Variants in CAPN9 observed in about 807,000 individuals in gnomAD.
CAPN9 encodes the protein calpain-9.
A neutral mutation model predicts 92.8 loss-of-function variants in CAPN9; 81 were observed. The ratio of observed to expected loss-of-function variants is 0.87; its 90% confidence interval spans 0.73 to 1.05. The LOEUF (loss-of-function observed/expected upper bound fraction) is 1.05. Among genes scored for constraint, CAPN9 ranks in the 50% least tolerant of loss-of-function variants. The pLI, the probability that CAPN9 is intolerant of heterozygous loss-of-function variation, is 0.00. For synonymous variants in CAPN9, 304 were observed against 328.0 expected, an observed-to-expected ratio of 0.93 and a Z score of 0.79; for missense variants, 848 against 866.2, an observed-to-expected ratio of 0.98 and a Z score of 0.26.
At chr1:230,752,678 G>A in intron 1 of CAPN9, 1 of 985,350 alleles carries the variant, frequency 1.0e-6, no homozygotes, top group Non-Finnish European at 1.2e-6. Flanking sequence ...TGCTGGGCAG[G>A]GATCTGTGGC....
In CAPN9 at chr1:230,801,666, C is replaced by T; in HGVS notation, c.*70C>T. Reference sequence around the variant, plus strand: ...CTGGACCTTGACCTTCAGAACTTCTCTTGGTGTGGAACCATTACGCCCAGG... The same window carrying T: ...CTGGACCTTGACCTTCAGAACTTCTTTTGGTGTGGAACCATTACGCCCAGG... On this transcript the variant is annotated 3_prime_UTR_variant, in exon 20 of 20. Coordinates refer to ENST00000271971, the MANE Select transcript of CAPN9 (RefSeq NM_006615.3). The T allele has an allele frequency of 1.4e-6, 2 of 1,411,536 alleles. No individual in the cohort carries two copies. The highest frequency in any genetic ancestry group is 3.3e-5 in the Admixed American group (2 of 59,766). 87.4% of individuals were successfully genotyped at this position (1,411,536 alleles called of 1,614,324 possible).
chr1:230,797,203 C>T (rs780503596), intron 18 of CAPN9, among the ~76,000 whole-genome samples: 2 of 152,280 alleles, frequency 1.3e-5, no homozygotes, highest in Non-Finnish European at 2.9e-5. Context: ...GACCTTTACA[C>T]CCAACCTCAA....
Position 230,751,597 on chromosome 1 carries a change from G to C in CAPN9, c.214-3740G>C, listed in dbSNP as rs1412915327. On this transcript the variant is annotated intron_variant, in intron 1 of 19. Transcript: ENST00000271971. ...AAGAAGAAAGAAACAAAGAAAGAAA[G>C]AAAGAAAGAAAGAGAAAGAAAGAAA... 4.7e-4 allele frequency among the ~76,000 whole-genome samples: 7 copies of C among 14,828 alleles called. 1 individual carries two copies. Among genetic ancestry groups the C allele is most frequent in the African/African-American group, 1.7e-3 (5 of 2,918 alleles). 9.7% of individuals were successfully genotyped at this position (14,828 alleles called of 152,430 possible).
chr1:230,792,054 A>G (rs1668023782), intron 15 of CAPN9, 126 bp downstream of exon 15: 2 of 755,588 alleles, frequency 2.6e-6, no homozygotes, highest in Non-Finnish European at 4.5e-6. Flanking sequence ...AGTCTTCTTC[A>G]CAGAAAATAA....
intron 8 of CAPN9, chr1:230,776,476 T>G (rs1466574036): frequency 6.6e-6 from 1 of 152,256 alleles, no homozygotes; most frequent in Non-Finnish European, 1.5e-5. Context: ...AACAGTTCCA[T>G]GATCCCTCTT....
At chr1:230,782,671 T>A (rs1050869135) in intron 11 of CAPN9, among the ~76,000 whole-genome samples, 6 of 152,082 alleles carry the variant, frequency 3.9e-5, no homozygotes, top group South Asian at 2.1e-4. Context: ...ACCAGTGGAA[T>A]CAGGAATTTA....
At chr1:230,800,221 A>G (rs1440708317) in intron 19 of CAPN9, among the ~76,000 whole-genome samples, 4 of 48,304 alleles carry the variant, frequency 8.3e-5, no homozygotes, top group Non-Finnish European at 1.4e-4. Context: ...AAAGAAAAAT[A>G]AGAAAGAAAG....
At chr1:230,755,503 G>A (rs766449842) in intron 2 of CAPN9, 97 bp downstream of exon 2, 5 of 844,268 alleles carry the variant, frequency 5.9e-6, no homozygotes, top group South Asian at 5.0e-5. Flanking sequence ...CAAGAGGCAC[G>A]GGGCTGGGGG....
chr1:230,798,132 A>G (rs758816912), intron 18 of CAPN9, 30 bp from the exon 19 acceptor site: 1 of 1,530,874 alleles, frequency 6.5e-7, no homozygotes, highest in South Asian at 1.1e-5. Flanking sequence ...TGTCTTTAAA[A>G]GGATGCCTTT....
chr1:230,752,073 GA>G (rs954502748), intron 1 of CAPN9, among the ~76,000 whole-genome samples: 1 of 152,106 alleles, frequency 6.6e-6, no homozygotes, highest in Non-Finnish European at 1.5e-5. Context: ...GCACATGCAG[GA>G]CACTCACACG....
chr1:230,757,494 C>T (rs564951918), intron 2 of CAPN9, among the ~76,000 whole-genome samples: 1 of 152,200 alleles, frequency 6.6e-6, no homozygotes, highest in Admixed American at 6.5e-5. Flanking sequence ...TTTTGTAACA[C>T]TTTTACTACA....
chr1:230,800,230 AGAAG>A (rs1289128045), intron 19 of CAPN9, among the ~76,000 whole-genome samples: 2 of 46,960 alleles, frequency 4.3e-5, no homozygotes, highest in Non-Finnish European at 4.8e-5. Context: ...TAAGAAAGAA[AGAAG>A]AAAGAAAGAA....
chr1:230,747,565 C>T lies in CAPN9; in HGVS notation c.69C>T (p.His23=), dbSNP rs1664499213. The T allele has an allele frequency of 6.2e-7, 1 of 1,614,220 alleles. No homozygotes were observed. The highest frequency in any genetic ancestry group is 2.2e-5 in the East Asian group (1 of 44,880). Residue 23 remains histidine, a synonymous_variant, in exon 1 of 20, where the codon CAC becomes CAT. Coordinates refer to ENST00000271971, the MANE Select transcript of CAPN9 (RefSeq NM_006615.3). Reference sequence around the variant, plus strand: ...TTCCCAAGGACGCCCGGATCACCCACTCCTCAGGCCAGAGCTTTGAGCAAA... The same window carrying T: ...TTCCCAAGGACGCCCGGATCACCCATTCCTCAGGCCAGAGCTTTGAGCAAA... ...HPVPKDARIT[H]SSGQSFEQMR...
At chr1:230,798,448 G>A (rs1252509884) in intron 19 of CAPN9, among the ~76,000 whole-genome samples, 1 of 152,140 alleles carries the variant, frequency 6.6e-6, no homozygotes, top group Admixed American at 6.5e-5. Context: ...CATTTTGCAG[G>A]GTGGAAACTG....
At chr1:230,793,542 C>G (rs1157470931) in intron 17 of CAPN9, among the ~76,000 whole-genome samples, 1 of 152,230 alleles carries the variant, frequency 6.6e-6, no homozygotes, top group African/African-American at 2.4e-5. Flanking sequence ...CCATGTCCTG[C>G]ACACACAACC....
chr1:230,772,613 A>C (rs1666461610), intron 7 of CAPN9, among the ~76,000 whole-genome samples: 1 of 152,188 alleles, frequency 6.6e-6, no homozygotes. Context: ...ATGGTGGCTC[A>C]TGCCTATAAT....
intron 17 of CAPN9, among the ~76,000 whole-genome samples, chr1:230,793,324 G>GAC (rs1401053811): frequency 6.6e-6 from 1 of 152,196 alleles, no homozygotes; most frequent in Non-Finnish European, 1.5e-5. Flanking sequence ...TCGTGGATGA[G>GAC]ACAGAGCATG....
At chr1:230,791,234 G>A (rs1162411033) in intron 14 of CAPN9, among the ~76,000 whole-genome samples, 1 of 152,090 alleles carries the variant, frequency 6.6e-6, no homozygotes, top group East Asian at 1.9e-4. Flanking sequence ...CTTCTCCTGG[G>A]TATATAGTTA....
At chr1:230,764,051 T>C (rs1665812210) in intron 4 of CAPN9, among the ~76,000 whole-genome samples, 1 of 152,074 alleles carries the variant, frequency 6.6e-6, no homozygotes, top group Non-Finnish European at 1.5e-5. Context: ...CCAAAAATGG[T>C]TGGCAGAACA....
Sources: gnomAD v4.1 joint callset for allele counts (sites outside exome capture counted in the v4.1 genomes callset) on GRCh38, gnomAD v4.1.1 for gene constraint, MANE v1.5 for transcripts, NCBI Gene and HGNC (gene_info 2026-07-23, HGNC 2026-07-21) for gene names.